SLC24A3: variants seen among roughly 807,000 people sequenced by gnomAD.
The protein encoded by SLC24A3 is solute carrier family 24 member 3.
SLC24A3 carries 28 observed loss-of-function variants against 75.8 expected under a neutral mutation model. That is an observed-to-expected ratio of 0.37 (90% CI 0.27 to 0.51). The LOEUF is 0.51. SLC24A3 is among the 20% of genes least tolerant of loss of function. The pLI is 0.94. For missense variants in SLC24A3, 663 were observed against 847.8 expected, an observed-to-expected ratio of 0.78 and a Z score of 2.71; for synonymous variants, 372 against 334.1, an observed-to-expected ratio of 1.11 and a Z score of -1.24.
At position 19,220,972 on chromosome 20, in the gene SLC24A3, T is replaced by G. The variant is rs576569512; in HGVS notation, c.142+7988T>G. On this transcript the variant is annotated intron_variant, in intron 1 of 16. Coordinates refer to ENST00000328041, the MANE Select transcript of SLC24A3 (RefSeq NM_020689.4). The stretch of plus-strand genomic sequence containing the variant: ...CGAAATACACTGTACTTAAATTTCC[T>G]GTCCTGGATGTGAATATATGTGTTT... Among the ~76,000 whole-genome samples the G allele has an allele frequency of 5.9e-5, 9 of 152,376 alleles. No individual in the cohort carries two copies. The East Asian group carries it at 1.7e-3, about 29-fold the overall frequency.
At chr20:19,296,179 T>C (rs567205986) in intron 2 of SLC24A3, among the ~76,000 whole-genome samples, 48 of 152,206 alleles carry the variant, frequency 3.2e-4, no homozygotes, top group Non-Finnish European at 6.2e-4. Context: ...CAGTTGTTTG[T>C]ATTTCAGTGG....
chr20:19,675,506 C>T (rs66649546), intron 9 of SLC24A3, among the ~76,000 whole-genome samples: 23,247 of 152,174 alleles, frequency 0.15, 1,905 homozygotes, highest in Non-Finnish European at 0.18. Flanking sequence ...GGCCAGTGCC[C>T]AGGGTGGGCT....
intron 9 of SLC24A3, among the ~76,000 whole-genome samples, chr20:19,680,108 G>A (rs192937640): frequency 3.0e-5 from 4 of 134,312 alleles, no homozygotes; most frequent in East Asian, 2.1e-4. Flanking sequence ...GTGCGAGTGT[G>A]TGTCTGTGTC....
At chr20:19,269,769 C>T (rs1983269841) in intron 1 of SLC24A3, among the ~76,000 whole-genome samples, 3 of 152,210 alleles carry the variant, frequency 2.0e-5, no homozygotes, top group African/African-American at 7.2e-5. Flanking sequence ...GTTCATTTCA[C>T]TCTCCATCAT....
At chr20:19,280,017 C>T (rs969951232) in intron 1 of SLC24A3, among the ~76,000 whole-genome samples, 1 of 152,178 alleles carries the variant, frequency 6.6e-6, no homozygotes, top group Admixed American at 6.5e-5. Context: ...CTTTGTGGTA[C>T]TGTAATCTTA....
At chr20:19,490,213 A>C (rs1056046957) in intron 2 of SLC24A3, among the ~76,000 whole-genome samples, 1 of 152,198 alleles carries the variant, frequency 6.6e-6, no homozygotes, top group Non-Finnish European at 1.5e-5. Flanking sequence ...GATGGAAACC[A>C]ATCTTGTGCC....
intron 6 of SLC24A3, among the ~76,000 whole-genome samples, chr20:19,646,814 G>A (rs761519546): frequency 6.7e-6 from 1 of 149,634 alleles, no homozygotes; most frequent in Non-Finnish European, 1.5e-5. Flanking sequence ...AAATGTGATC[G>A]GGTTGTACTT....
intron 1 of SLC24A3, among the ~76,000 whole-genome samples, chr20:19,220,329 C>T (rs6045914): frequency 0.092 from 14,058 of 152,212 alleles, 1,102 homozygotes; most frequent in African/African-American, 0.22. Flanking sequence ...GGAATATTTG[C>T]AACAAATATT....
intron 3 of SLC24A3, among the ~76,000 whole-genome samples, chr20:19,560,389 G>C (rs6081657): frequency 1.2e-4 from 18 of 152,202 alleles, no homozygotes; most frequent in African/African-American, 4.3e-4. Context: ...GGCACTTTCA[G>C]GGTGCTCCGC....
rs566937860 is a variant in SLC24A3 at position 19,400,804 on chromosome 20, A to T, written c.272-114684A>T. Among the ~76,000 whole-genome samples the T allele has an allele frequency of 3.9e-5, 6 of 152,252 alleles. No homozygotes were observed. In the East Asian group the frequency reaches 1.2e-3, roughly 29 times the overall value. ...CAGAGGGATTTCTAGGGCTCATGCC[A>T]TTCATTTCTCATCTTTTGGGGATCA... is the stretch of plus-strand genomic sequence containing the variant. On this transcript the variant is annotated intron_variant, in intron 2 of 16. Transcript: ENST00000328041.
intron 15 of SLC24A3, among the ~76,000 whole-genome samples, chr20:19,712,294 A>G (rs1185770444): frequency 6.6e-6 from 1 of 151,860 alleles, no homozygotes; most frequent in Admixed American, 6.6e-5. Context: ...CAGGGACTGG[A>G]GGGGTGAGGG....
chr20:19,430,545 A>G (rs915773027), intron 2 of SLC24A3, among the ~76,000 whole-genome samples: 1 of 152,206 alleles, frequency 6.6e-6, no homozygotes, highest in African/African-American at 2.4e-5. Context: ...AACGTGGACT[A>G]TAGGATTTCT....
rs1322444158 is a variant in SLC24A3, at chr20:19,239,174, TG to T, written c.142+26191del. ...TAAGAATGAGTCTTTCCAAAATTAC[TG>T]TGTCTTGGGCCAGGCCTGGAGACAG... On this transcript the variant is annotated intron_variant, in intron 1 of 16. Transcript: ENST00000328041. Among the ~76,000 whole-genome samples, 4 of 150,706 alleles carry T rather than the reference TG, an allele frequency of 2.7e-5. No individual in the cohort carries two copies. The East Asian group carries it at 5.8e-4, about 22-fold the overall frequency.
chr20:19,646,053 C>T (rs1315740826), intron 6 of SLC24A3, among the ~76,000 whole-genome samples: 1 of 152,108 alleles, frequency 6.6e-6, no homozygotes, highest in African/African-American at 2.4e-5. Context: ...AAGGCCCTGT[C>T]TCAAAAAACA....
intron 3 of SLC24A3, among the ~76,000 whole-genome samples, chr20:19,555,080 T>C (rs917292199): frequency 1.3e-5 from 2 of 152,242 alleles, no homozygotes; most frequent in Non-Finnish European, 2.9e-5. Context: ...TAAAGCCAAC[T>C]CTGAGTTAGC....
chr20:19,608,201 GATGATAGTCTTT>G (rs1361220636), intron 6 of SLC24A3, among the ~76,000 whole-genome samples: 1 of 152,206 alleles, frequency 6.6e-6, no homozygotes, highest in East Asian at 1.9e-4. Flanking sequence ...GGTGTGGGCC[GATGATAGTCTTT>G]AATAGACTCC....
At chr20:19,418,273 G>A (rs2122431521) in intron 2 of SLC24A3, among the ~76,000 whole-genome samples, 1 of 152,302 alleles carries the variant, frequency 6.6e-6, no homozygotes, top group Non-Finnish European at 1.5e-5. Context: ...TCTAGGAGAA[G>A]TTGTTGCACC....
At chr20:19,285,016 A>G (rs1301780413) in intron 2 of SLC24A3, among the ~76,000 whole-genome samples, 1 of 149,732 alleles carries the variant, frequency 6.7e-6, no homozygotes, top group Non-Finnish European at 1.5e-5. Context: ...GCCTTCCTCT[A>G]CTCCCTCTCC....
At chr20:19,601,117 TA>T (rs1267296439) in intron 6 of SLC24A3, among the ~76,000 whole-genome samples, 2 of 152,230 alleles carry the variant, frequency 1.3e-5, no homozygotes, top group Non-Finnish European at 2.9e-5. Flanking sequence ...ATCTACCTAA[TA>T]GGGTTGTTGT....
Sources: gnomAD v4.1 joint callset for allele counts (sites outside exome capture counted in the v4.1 genomes callset) on GRCh38, gnomAD v4.1.1 for gene constraint, MANE v1.5 for transcripts, NCBI Gene and HGNC (gene_info 2026-07-23, HGNC 2026-07-21) for gene names.